The following CCNK variants were observed in gnomAD, a reference collection of about 807,000 sequenced individuals.
CCNK encodes the protein cyclin K, also known as cyclin-K.
CCNK carries 9 observed loss-of-function variants against 65.0 expected under a neutral mutation model. The ratio of observed to expected loss-of-function variants is 0.14; its 90% CI spans 0.08 to 0.24. The LOEUF (loss-of-function observed/expected upper bound fraction) is 0.24, where lower values mean the gene tolerates loss of function less well. Among genes scored for constraint, CCNK ranks in the 10% least tolerant of loss-of-function variants. The pLI, the probability that CCNK is intolerant of heterozygous loss-of-function variation, is 1.00. For missense variants in CCNK, 474 were observed against 720.0 expected (o/e 0.66, Z 3.91); for synonymous variants, 279 against 270.8 (o/e 1.03, Z -0.30).
chr14:99,508,254 C>G (rs916608834), intron 10 of CCNK: 1 of 152,268 alleles, frequency 6.6e-6, no homozygotes, highest in Non-Finnish European at 1.5e-5. Context: ...TACTTAAATG[C>G]CTGTGGTTGC....
At chr14:99,482,148 C>T (rs921655629) in intron 1 of CCNK, among the ~76,000 whole-genome samples, 2 of 152,212 alleles carry the variant, frequency 1.3e-5, no homozygotes, top group Non-Finnish European at 2.9e-5. Context: ...GTAATGCTCC[C>T]TAAATTTAGA....
intron 4 of CCNK, among the ~76,000 whole-genome samples, chr14:99,496,112 A>G (rs780352324): frequency 2.6e-5 from 4 of 152,156 alleles, no homozygotes; most frequent in Non-Finnish European, 5.9e-5. Flanking sequence ...CACACCAGCC[A>G]TCCTATCTTT....
chr14:99,509,079 G>T (rs999952112), intron 10 of CCNK: 1 of 152,230 alleles, frequency 6.6e-6, no homozygotes, highest in African/African-American at 2.4e-5. Flanking sequence ...GCTCATGCTC[G>T]CTTTGGCAAG....
intron 4 of CCNK, among the ~76,000 whole-genome samples, chr14:99,495,878 G>A (rs1896690151): frequency 6.6e-6 from 1 of 152,150 alleles, no homozygotes; most frequent in Admixed American, 6.5e-5. Context: ...CACATTTCAT[G>A]GATATGAGCA....
rs946658387 is a variant in CCNK, at chr14:99,502,024, G to A, written c.576-183G>A. On this transcript the variant is annotated intron_variant, in intron 6 of 10. Coordinates refer to ENST00000389879, the MANE Select transcript of CCNK (RefSeq NM_001099402.2). ...AGGAATAGAGAAATTACTAACTATG[G>A]TTAAAGTAACTTAGTCGGGTACCTT... 1.0e-5 allele frequency: 6 copies of A among 591,294 alleles called. No homozygotes were observed. In the Admixed American group the frequency reaches 1.1e-4, roughly 11 times the overall value. 36.6% of individuals were successfully genotyped at this position (591,294 alleles called of 1,614,324 possible). A position where few individuals can be genotyped will look rare whatever the true frequency, so the allele number is the denominator to read the frequency against.
intron 9 of CCNK, chr14:99,505,914 A>G (rs1038660616): frequency 6.6e-6 from 1 of 152,266 alleles, no homozygotes; most frequent in African/African-American, 2.4e-5. Flanking sequence ...TCTCAGTTAT[A>G]TTGCTGTTGG....
intron 4 of CCNK, chr14:99,500,362 TCTTG>T (rs1365233186): frequency 4.9e-6 from 1 of 203,324 alleles, no homozygotes; most frequent in Non-Finnish European, 1.0e-5. Flanking sequence ...ATAAACTCTT[TCTTG>T]CTTAAAATGT....
chr14:99,503,330 C>G (rs181165066), intron 8 of CCNK: 1 of 602,154 alleles, frequency 1.7e-6, no homozygotes, highest in African/African-American at 1.9e-5. Context: ...TGGACCGTTT[C>G]CTGCACCCAA....
rs1896894581 is a variant in CCNK at position 99,503,539 on chromosome 14, C to T, written c.1012-72C>T. On this transcript the variant is annotated intron_variant, in intron 8 of 10. Coordinates refer to ENST00000389879, the MANE Select transcript of CCNK (RefSeq NM_001099402.2). ...ACTGCCGTCGCTGATTCTGGTGGTA[C>T]CTGGATAATCCATTTTTTTCTCATC... 3 of 1,340,050 alleles carry T rather than the reference C, an allele frequency of 2.2e-6. No individual in the cohort carries two copies. The Admixed American group carries it at 6.4e-5, about 28-fold the overall frequency. The allele number at this position is 1,340,050 out of a possible 1,614,324, so 83.0% of individuals were successfully genotyped here. A position where few individuals can be genotyped will look rare whatever the true frequency, so the allele number is the denominator to read the frequency against.
chr14:99,484,515 A>C (rs1317164256), intron 1 of CCNK, among the ~76,000 whole-genome samples: 1 of 152,264 alleles, frequency 6.6e-6, no homozygotes, highest in Non-Finnish European at 1.5e-5. Context: ...CCTGTTTGAA[A>C]GACAATCAAT....
chr14:99,501,421 T>C lies in CCNK; in HGVS notation c.575+8T>C, dbSNP rs771876941. 5 of 1,560,462 alleles carry C rather than the reference T, an allele frequency of 3.2e-6. No individual in the cohort carries two copies. The highest frequency in any genetic ancestry group is 3.5e-6 in the Non-Finnish European group (4 of 1,133,564). ...GACATTTGTAAATGACAGGTATACA[T>C]GTTCAAATGTTGATTAATTACAGTA... On this transcript the variant is annotated splice_region_variant and intron_variant, in intron 6 of 10. Transcript: ENST00000389879.
chr14:99,510,905 T>A lies in CCNK; in HGVS notation c.*123T>A. 3.5e-6 allele frequency: 3 copies of A among 848,546 alleles called. No homozygotes were observed. The highest frequency in any genetic ancestry group is 4.8e-6 in the Non-Finnish European group (3 of 624,062). 52.6% of individuals were successfully genotyped at this position (848,546 alleles called of 1,614,324 possible). On this transcript the variant is annotated 3_prime_UTR_variant, in exon 11 of 11. Transcript: ENST00000389879. ...CACGACAGTTGCAGTATGGGAAGAATGGACCGGGCCCCTGGGATAAAATCA... is the reference window on the plus strand; with the variant it reads ...CACGACAGTTGCAGTATGGGAAGAAAGGACCGGGCCCCTGGGATAAAATCA...
At chr14:99,503,514 A>T in intron 8 of CCNK, 97 bp from the exon 9 acceptor site, 1 of 1,044,144 alleles carries the variant, frequency 9.6e-7, no homozygotes, top group Non-Finnish European at 1.4e-6. Context: ...GTTCACAGTG[A>T]CTGCCGTCGC....
At chr14:99,493,645 A>T in intron 3 of CCNK, 50 bp downstream of exon 3, 1 of 1,289,902 alleles carries the variant, frequency 7.8e-7, no homozygotes, top group Non-Finnish European at 1.1e-6. Context: ...TATTATTTCC[A>T]CACAGTTTGG....
At position 99,502,820 on chromosome 14, in the gene CCNK, C is replaced by G. The variant is rs748943823; in HGVS notation, c.847C>G (p.Pro283Ala). ...LQQPPSLQPT[P>A]QVPQVQQSQP... ...ACAGCCCCCATCTCTTCAGCCTACA[C>G]CACAAGTGCCGCAAGTACAGCAGTC... is the stretch of plus-strand genomic sequence containing the variant. The change falls in exon 8 of 11, where the codon CCA becomes GCA. Residue 283 changes from proline to alanine, a missense_variant. Pro to Ala is a conservative substitution (Grantham distance 27, BLOSUM62 -1). Transcript: ENST00000389879. 3 of 1,613,842 alleles carry G rather than the reference C, an allele frequency of 1.9e-6. No homozygotes were observed. Among genetic ancestry groups the G allele is most frequent in the African/African-American group, 1.3e-5 (1 of 75,012 alleles).
intron 7 of CCNK, 103 bp from the exon 8 acceptor site, chr14:99,502,616 A>C: frequency 1.6e-6 from 2 of 1,257,192 alleles, no homozygotes; most frequent in Non-Finnish European, 2.2e-6. Flanking sequence ...AATGTGATTC[A>C]TGCTTAGGTC....
rs750462126 is a variant in CCNK at position 99,503,675 on chromosome 14, TTA to T, written c.1045+33_1045+34del. ...TTCCTGTTCTGATGTTTTTTTAGTTTTATGTGTTTATATGCAAAACTTTAAAT... is the reference window on the plus strand; with the variant it reads ...TTCCTGTTCTGATGTTTTTTTAGTTTTGTGTTTATATGCAAAACTTTAAAT... On this transcript the variant is annotated intron_variant, in intron 9 of 10. Coordinates refer to ENST00000389879, the MANE Select transcript of CCNK (RefSeq NM_001099402.2). The T allele has an allele frequency of 1.6e-5, 24 of 1,531,294 alleles. No homozygotes were observed. The African/African-American group carries it at 3.0e-4, about 19-fold the overall frequency. 94.9% of individuals were successfully genotyped at this position (1,531,294 alleles called of 1,614,324 possible). A position where few individuals can be genotyped will look rare whatever the true frequency, so the allele number is the denominator to read the frequency against.
intron 1 of CCNK, among the ~76,000 whole-genome samples, chr14:99,489,979 C>T (rs1566746961): frequency 1.3e-5 from 2 of 152,126 alleles, no homozygotes; most frequent in Admixed American, 6.5e-5. Context: ...AGAAAGTCAC[C>T]ATTAGAACAC....
chr14:99,496,859 G>A (rs1293518934), intron 4 of CCNK, among the ~76,000 whole-genome samples: 1 of 150,984 alleles, frequency 6.6e-6, no homozygotes, highest in Non-Finnish European at 1.5e-5. Context: ...GTTGCAGTGA[G>A]CCAAGATTGC....
Sources: allele counts gnomAD v4.1 joint callset (sites outside exome capture counted in the v4.1 genomes callset), GRCh38; gene constraint gnomAD v4.1.1; transcripts MANE v1.5; gene names NCBI Gene and HGNC (gene_info 2026-07-23, HGNC 2026-07-21).